Variants in CAMKK2 observed in about 807,000 individuals in gnomAD.
CAMKK2 encodes the protein calcium/calmodulin dependent protein kinase kinase 2, also known as calcium/calmodulin-dependent protein kinase kinase 2.
CAMKK2 carries 30 observed loss-of-function variants against 67.2 expected under a neutral mutation model. The ratio of observed to expected loss-of-function variants is 0.45; its 90% CI spans 0.33 to 0.61. The LOEUF (loss-of-function observed/expected upper bound fraction) is 0.61. Among genes scored for constraint, CAMKK2 ranks in the 20% least tolerant of loss-of-function variants. The pLI is 0.02. For synonymous variants in CAMKK2, 322 were observed against 326.2 expected (o/e 0.99, Z 0.14); for missense variants, 643 against 802.0 (o/e 0.80, Z 2.39).
At chr12:121,287,360 A>G (rs530523140) in intron 1 of CAMKK2, among the ~76,000 whole-genome samples, 3 of 152,148 alleles carry the variant, frequency 2.0e-5, no homozygotes, top group Non-Finnish European at 4.4e-5. Flanking sequence ...TCCATGTGTC[A>G]TAAGAGCACA....
At chr12:121,251,803 G>A (rs763093936) in intron 11 of CAMKK2, among the ~76,000 whole-genome samples, 1 of 147,006 alleles carries the variant, frequency 6.8e-6, no homozygotes, top group East Asian at 2.0e-4. Flanking sequence ...CTCCAGCCTG[G>A]GTGACAGAGC....
chr12:121,267,919 T>C (rs1300928515), intron 5 of CAMKK2, among the ~76,000 whole-genome samples: 4 of 151,932 alleles, frequency 2.6e-5, no homozygotes, highest in Non-Finnish European at 5.9e-5. Context: ...TTTGTTCCTA[T>C]GGATTGGCCT....
At chr12:121,247,547 TCTC>T (rs1169401098) in intron 14 of CAMKK2, among the ~76,000 whole-genome samples, 6 of 152,112 alleles carry the variant, frequency 3.9e-5, no homozygotes, top group Non-Finnish European at 5.9e-5. Context: ...ACGCCAGCTG[TCTC>T]CTCGTCTACA....
intron 9 of CAMKK2, among the ~76,000 whole-genome samples, chr12:121,255,290 T>TTA (rs377424483): frequency 0.14 from 521 of 3,610 alleles, 84 homozygotes; most frequent in African/African-American, 0.2. Context: ...ATATATATAA[T>TTA]TATATATATA....
At chr12:121,292,565 C>T (rs1468117526) in intron 1 of CAMKK2, among the ~76,000 whole-genome samples, 2 of 152,184 alleles carry the variant, frequency 1.3e-5, no homozygotes, top group African/African-American at 4.8e-5. Context: ...GACACAGACG[C>T]AAGGCTGAGG....
At chr12:121,271,973 ATGCTGGGAT>A (rs1224986722) in intron 2 of CAMKK2, among the ~76,000 whole-genome samples, 7 of 151,792 alleles carry the variant, frequency 4.6e-5, no homozygotes, top group African/African-American at 1.7e-4. Context: ...GCCTCCCAAA[ATGCTGGGAT>A]TACAGGCGTG....
At chr12:121,256,694 C>A (rs1178992215) in intron 7 of CAMKK2, among the ~76,000 whole-genome samples, 2 of 152,148 alleles carry the variant, frequency 1.3e-5, no homozygotes, top group Admixed American at 1.3e-4. Flanking sequence ...GCATCATTAG[C>A]ACGTTTTTAA....
intron 1 of CAMKK2, among the ~76,000 whole-genome samples, chr12:121,293,226 G>C (rs904449823): frequency 6.6e-6 from 1 of 151,906 alleles, no homozygotes; most frequent in Non-Finnish European, 1.5e-5. Flanking sequence ...GCAGTGAACC[G>C]AGATCACACC....
intron 1 of CAMKK2, among the ~76,000 whole-genome samples, chr12:121,278,434 A>T (rs1897176477): frequency 6.6e-6 from 1 of 152,120 alleles, no homozygotes; most frequent in South Asian, 2.1e-4. Context: ...TTCAACAAAC[A>T]CCTGTTGGAT....
chr12:121,255,382 TTA>T (rs10669483), intron 9 of CAMKK2, among the ~76,000 whole-genome samples, 166 bp downstream of exon 9: 2 of 30,696 alleles, frequency 6.5e-5, no homozygotes, highest in Non-Finnish European at 1.1e-4. Context: ...ATATATAATT[TTA>T]TATATATATA....
chr12:121,292,601 G>A (rs917523434), intron 1 of CAMKK2, among the ~76,000 whole-genome samples: 19 of 152,172 alleles, frequency 1.2e-4, no homozygotes, highest in Admixed American at 1.0e-3. Context: ...GCAGCCAGCC[G>A]GCCTGAACCC....
chr12:121,278,170 G>A (rs1169730503), intron 1 of CAMKK2, among the ~76,000 whole-genome samples: 1 of 152,034 alleles, frequency 6.6e-6, no homozygotes, highest in African/African-American at 2.4e-5. Context: ...CTCTGTCCCT[G>A]TCTCAGTTTC....
intron 1 of CAMKK2, among the ~76,000 whole-genome samples, chr12:121,282,369 G>C (rs1016831031): frequency 5.3e-5 from 8 of 152,164 alleles, no homozygotes; most frequent in African/African-American, 1.9e-4. Flanking sequence ...GAGTTGAACT[G>C]TGTCCCCCAA....
chr12:121,274,410 G>C lies in CAMKK2; in HGVS notation c.117C>G (p.Gly39=). Residue 39 remains glycine (G), a synonymous_variant, in exon 2 of 17, where the codon GGC becomes GGG. Transcript: ENST00000404169. ...CCAGGTGGATGCTCAAGGATGAGAG[G>C]CCCCGCAGGGCCTCACAGGGCTTCT... ...ESQKPCEALR[G]LSSLSIHLGM... The C allele has an allele frequency of 1.2e-6, 2 of 1,613,264 alleles. No individual in the cohort carries two copies. The highest frequency in any genetic ancestry group is 1.7e-6 in the Non-Finnish European group (2 of 1,179,922).
chr12:121,262,051 C>T (rs1440548565), intron 6 of CAMKK2, among the ~76,000 whole-genome samples: 1 of 152,184 alleles, frequency 6.6e-6, no homozygotes, highest in Non-Finnish European at 1.5e-5. Flanking sequence ...TATCATTCTC[C>T]ACTAGTCTAC....
chr12:121,244,619 G>T lies in CAMKK2; in HGVS notation c.1554-4C>A, dbSNP rs1164209562. Reference sequence around the variant, plus strand: ...ACATTCCCTGGTTGGTTTTTTGCTGGAATCACCAGAGGGAGGGAAAAGGGA... The same window carrying T: ...ACATTCCCTGGTTGGTTTTTTGCTGTAATCACCAGAGGGAGGGAAAAGGGA... On this transcript the variant is annotated splice_polypyrimidine_tract_variant and splice_region_variant and intron_variant, in intron 15 of 16. Coordinates refer to ENST00000404169, the MANE Select transcript of CAMKK2 (RefSeq NM_001270485.2). The T allele has an allele frequency of 5.1e-6, 8 of 1,562,236 alleles. No individual in the cohort carries two copies. Among genetic ancestry groups the T allele is most frequent in the Admixed American group, 1.9e-5 (1 of 51,832 alleles).
At position 121,240,358 on chromosome 12, in the gene CAMKK2, A is replaced by C; in HGVS notation, c.*341T>G. 1 of 1,310,950 alleles carries C rather than the reference A, an allele frequency of 7.6e-7. No individual in the cohort carries two copies. Among genetic ancestry groups the C allele is most frequent in the Non-Finnish European group, 1.0e-6 (1 of 961,372 alleles). The allele number at this position is 1,310,950 out of a possible 1,614,324, so 81.2% of individuals were successfully genotyped here. On this transcript the variant is annotated 3_prime_UTR_variant, in exon 17 of 17. Coordinates refer to ENST00000404169, the MANE Select transcript of CAMKK2 (RefSeq NM_001270485.2). The surrounding 1 kb of genome is among the most constrained non-coding windows in gnomAD (Gnocchi z 4.4). ...CAGTTGTCAAACCCCACACACAGTCACTTGGTATATCTGACGTGGTTCTGA... is the reference window on the plus strand; with the variant it reads ...CAGTTGTCAAACCCCACACACAGTCCCTTGGTATATCTGACGTGGTTCTGA...
At position 121,259,197 on chromosome 12, in the gene CAMKK2, C is replaced by T. The variant is rs574104468; in HGVS notation, c.796+1122G>A. ...CTGCCACCTGGTCCCTGCTGTTCTGCCCAAATGTCACCTTGGTGAGACATT... is the reference window on the plus strand; with the variant it reads ...CTGCCACCTGGTCCCTGCTGTTCTGTCCAAATGTCACCTTGGTGAGACATT... On this transcript the variant is annotated intron_variant, in intron 7 of 16. Coordinates refer to ENST00000404169, the MANE Select transcript of CAMKK2 (RefSeq NM_001270485.2). 4.3e-4 allele frequency among the ~76,000 whole-genome samples: 65 copies of T among 152,282 alleles called. 1 individual carries two copies. The highest frequency in any genetic ancestry group is 1.2e-3 in the African/African-American group (51 of 41,544).
intron 9 of CAMKK2, among the ~76,000 whole-genome samples, chr12:121,255,339 AT>A (rs1491326301): frequency 1.2e-4 from 1 of 8,324 alleles, no homozygotes. Flanking sequence ...ATTATATATA[AT>A]TTTATATATA....
Sources: allele counts gnomAD v4.1 joint callset (sites outside exome capture counted in the v4.1 genomes callset), GRCh38; gene constraint gnomAD v4.1.1; non-coding constraint Gnocchi (gnomAD v3.1); transcripts MANE v1.5; gene names NCBI Gene and HGNC (gene_info 2026-07-23, HGNC 2026-07-21).